Variants in TRIM36 observed in about 807,000 individuals in gnomAD.
TRIM36 encodes tripartite motif containing 36, also known as E3 ubiquitin-protein ligase TRIM36.
In TRIM36, 42 loss-of-function variants were observed where a neutral mutation model predicts 72.4. That is an observed-to-expected ratio of 0.58 (90% CI 0.45 to 0.75). The LOEUF (loss-of-function observed/expected upper bound fraction) is 0.75, where lower values mean the gene tolerates loss of function less well. TRIM36 is among the 30% of genes least tolerant of loss of function. TRIM36 has a pLI of 0.00. For missense variants in TRIM36, 913 were observed against 857.1 expected, an observed-to-expected ratio of 1.07 and a Z score of -0.81; for synonymous variants, 315 against 282.8, an observed-to-expected ratio of 1.11 and a Z score of -1.14.
At chr5:115,148,186 A>T in intron 2 of TRIM36, 3 of 252,404 alleles carry the variant, frequency 1.2e-5, no homozygotes, top group Non-Finnish European at 1.9e-5. Flanking sequence ...CATTAAGATT[A>T]CTTAACTCAG....
chr5:115,133,833 T>C, intron 8 of TRIM36, 27 bp downstream of exon 8: 1 of 1,541,342 alleles, frequency 6.5e-7, no homozygotes, highest in Non-Finnish European at 8.7e-7. Context: ...AACTCTATGC[T>C]TTTTTTATTC....
At chr5:115,162,930 G>T (rs1472148940) in intron 2 of TRIM36, among the ~76,000 whole-genome samples, 1 of 151,300 alleles carries the variant, frequency 6.6e-6, no homozygotes, top group Non-Finnish European at 1.5e-5. Context: ...ACATTGCACA[G>T]TCAGAATAAT....
rs1232807883 is a variant in TRIM36, at chr5:115,144,397, T to C, written c.735+201A>G. Among the ~76,000 whole-genome samples, 11 of 152,246 alleles carry C rather than the reference T, an allele frequency of 7.2e-5. No homozygotes were observed. The South Asian group carries it at 2.3e-3, about 32-fold the overall frequency. ...AGCTAATACAACATAGGTGTCAATA[T>C]ATGCCGGGCCTTATCAGTACCACAA... On this transcript the variant is annotated intron_variant, in intron 4 of 9. Transcript: ENST00000513154.
rs567072140 is a variant in TRIM36 at position 115,129,300 on chromosome 5, C to T, written c.1796+1292G>A. On this transcript the variant is annotated intron_variant, in intron 9 of 9. Transcript: ENST00000513154. Reference sequence around the variant, plus strand: ...ACTACAGGCCAGGTGCGGTGGCTCACGCCTGTAATCCCAGCACTTTGGGAG... The same window carrying T: ...ACTACAGGCCAGGTGCGGTGGCTCATGCCTGTAATCCCAGCACTTTGGGAG... Among the ~76,000 whole-genome samples the T allele has an allele frequency of 3.3e-5, 5 of 152,310 alleles. No individual in the cohort carries two copies. In the South Asian group the frequency reaches 6.2e-4, roughly 19 times the overall value.
In TRIM36 at chr5:115,180,121, T is replaced by A. The variant is rs184317634; in HGVS notation, c.-84A>T. On this transcript the variant is annotated 5_prime_UTR_variant, in exon 1 of 10. Transcript: ENST00000282369. ...CTTTTCTCTTTTTCTGTTTTTAGTC[T>A]GAGTTTTGCCGAGCTCCCCGCCCAT... 8.8e-3 allele frequency: 12,505 copies of A among 1,419,880 alleles called. 70 individuals carry two copies. Among genetic ancestry groups the A allele is most frequent in the Non-Finnish European group, 0.011 (11,034 of 1,016,520 alleles). 88.0% of individuals were successfully genotyped at this position (1,419,880 alleles called of 1,614,324 possible).
chr5:115,170,329 G>A (rs1009697917), upstream of TRIM36, among the ~76,000 whole-genome samples: 1 of 152,192 alleles, frequency 6.6e-6, no homozygotes, highest in Admixed American at 6.5e-5. Flanking sequence ...CTGCCATTCC[G>A]CCCTTCAGTT....
intron 3 of TRIM36, among the ~76,000 whole-genome samples, chr5:115,145,018 T>C (rs1753507075): frequency 6.6e-6 from 1 of 152,190 alleles, no homozygotes; most frequent in Admixed American, 6.5e-5. Flanking sequence ...ATATAGATGT[T>C]ATTTCTCCAA....
rs376452133 is a variant in TRIM36 at position 115,177,762 on chromosome 5, T to C, written c.63+2213A>G. 8.3e-5 allele frequency: 134 copies of C among 1,613,946 alleles called. 1 individual carries two copies. Among genetic ancestry groups the C allele is most frequent in the Non-Finnish European group, 1.1e-4 (130 of 1,180,014 alleles). On this transcript the variant is annotated intron_variant, in intron 1 of 9. Coordinates refer to the TRIM36 transcript ENST00000282369. ...GAGAGGAATTGTCCTAAGTTCTTCT[T>C]GGGAGAGACTGCTTTCCAACCTCAG...
At chr5:115,177,865 G>A in intron 1 of TRIM36, 1 of 1,614,082 alleles carries the variant, frequency 6.2e-7, no homozygotes, top group Non-Finnish European at 8.5e-7. Flanking sequence ...CAGGCCCATT[G>A]CTGAAGCCTA....
chr5:115,145,818 G>A (rs574260813), intron 3 of TRIM36, among the ~76,000 whole-genome samples: 1 of 152,192 alleles, frequency 6.6e-6, no homozygotes, highest in Admixed American at 6.5e-5. Flanking sequence ...GCATGTCCAA[G>A]TTTCTACATC....
intron 1 of TRIM36, among the ~76,000 whole-genome samples, chr5:115,176,138 A>T (rs1161289367): frequency 6.6e-6 from 1 of 152,154 alleles, no homozygotes; most frequent in Non-Finnish European, 1.5e-5. Context: ...AAAAAAATAA[A>T]AATAAAAATA....
At chr5:115,169,424 G>A (rs1330621054) in intron 1 of TRIM36, among the ~76,000 whole-genome samples, 184 bp downstream of exon 1, 4 of 152,234 alleles carry the variant, frequency 2.6e-5, no homozygotes, top group Non-Finnish European at 5.9e-5. Context: ...GATAGAAAGG[G>A]GACGCCCCGG....
rs58384978 is a variant in TRIM36 at position 115,128,758 on chromosome 5, CAAAAAAAAAAAAA to C, written c.1796+1821_1796+1833del. 5.3e-4 allele frequency among the ~76,000 whole-genome samples: 25 copies of C among 47,014 alleles called. 1 individual carries two copies. Among genetic ancestry groups the C allele is most frequent in the Middle Eastern group, 0.022 (1 of 46 alleles). 30.8% of individuals were successfully genotyped at this position (47,014 alleles called of 152,430 possible). A position where few individuals can be genotyped will look rare whatever the true frequency, so the allele number is the denominator to read the frequency against. On this transcript the variant is annotated intron_variant, in intron 9 of 9. Coordinates refer to ENST00000513154, the MANE Select transcript of TRIM36 (RefSeq NM_001300759.2). Reference sequence around the variant, plus strand: ...TGGGCGACAGAGCGAGACTCCGTCTCAAAAAAAAAAAAAAAAAAAAAAAAAAAAAATTGAAAGT... The same window carrying C: ...TGGGCGACAGAGCGAGACTCCGTCTCAAAAAAAAAAAAAAAAATTGAAAGT...
chr5:115,179,951 G>T (rs758383973), intron 1 of TRIM36: 1 of 1,612,064 alleles, frequency 6.2e-7, no homozygotes, highest in Non-Finnish European at 8.5e-7. Flanking sequence ...CCCAGGCCGC[G>T]GCGCCCCGCG....
At position 115,137,016 on chromosome 5, in the gene TRIM36, T is replaced by A; in HGVS notation, c.1194A>T (p.Leu398Phe). 6.3e-7 allele frequency: 1 copy of A among 1,599,012 alleles called. No individual in the cohort carries two copies. Among genetic ancestry groups the A allele is most frequent in the Non-Finnish European group, 8.5e-7 (1 of 1,175,164 alleles). The stretch of plus-strand genomic sequence containing the variant: ...AAGACTTACCACTAGAGAAAAAGGA[T>A]AATTCTCCAAGAAGTTCTGTTTGTT... ...TSKQTELLGE[L>F]SFFSSGIDVP... is the part of the protein sequence containing the mutation. The change falls in exon 7 of 10, where the codon TTA becomes TTT. Residue 398 changes from leucine (L) to phenylalanine (F), a missense_variant. Coordinates refer to ENST00000513154, the MANE Select transcript of TRIM36 (RefSeq NM_001300759.2).
intron 5 of TRIM36, among the ~76,000 whole-genome samples, chr5:115,138,160 T>C (rs963928528): frequency 2.0e-5 from 3 of 152,172 alleles, no homozygotes; most frequent in Non-Finnish European, 4.4e-5. Flanking sequence ...AGTGCAGTGG[T>C]GCGATCTTGG....
In TRIM36 at chr5:115,167,272, G is replaced by A. The variant is rs1035980293; in HGVS notation, c.27+2336C>T. ...TGGGGCTCTCTTCATTAATGCACCTGTTTGGCCCTGCCAAACGGAGGGACT... is the reference window on the plus strand; with the variant it reads ...TGGGGCTCTCTTCATTAATGCACCTATTTGGCCCTGCCAAACGGAGGGACT... On this transcript the variant is annotated intron_variant, in intron 1 of 9. Coordinates refer to ENST00000513154, the MANE Select transcript of TRIM36 (RefSeq NM_001300759.2). Among the ~76,000 whole-genome samples the A allele has an allele frequency of 3.3e-4, 50 of 152,274 alleles. 1 individual carries two copies. The highest frequency in any genetic ancestry group is 1.1e-3 in the African/African-American group (47 of 41,544).
intron 2 of TRIM36, 98 bp from the exon 3 acceptor site, chr5:115,147,492 A>G: frequency 7.4e-7 from 1 of 1,356,908 alleles, no homozygotes; most frequent in Non-Finnish European, 1.0e-6. Flanking sequence ...CTACAAATGT[A>G]TCACAAAAAC....
At position 115,137,513 on chromosome 5, in the gene TRIM36, G is replaced by C; in HGVS notation, c.935C>G (p.Ser312Cys). The C allele has an allele frequency of 6.2e-7, 1 of 1,614,070 alleles. No individual in the cohort carries two copies. Among genetic ancestry groups the C allele is most frequent in the Non-Finnish European group, 8.5e-7 (1 of 1,180,008 alleles). Residue 312 changes from serine (S) to cysteine (C), a missense_variant, in exon 6 of 10, where the codon TCT (serine) becomes TGT (cysteine). Ser to Cys is a moderately radical substitution (Grantham distance 112). Coordinates refer to ENST00000513154, the MANE Select transcript of TRIM36 (RefSeq NM_001300759.2). ...AAATTTGTCTAATCTTAGTTTCTTAGAGGAGTCAATTGCTTTCAAAACAGA... is the reference window on the plus strand; with the variant it reads ...AAATTTGTCTAATCTTAGTTTCTTACAGGAGTCAATTGCTTTCAAAACAGA... Reference protein sequence around the residue: ...KSSVLKAIDSSKKLRLDKFQT... With the variant: ...KSSVLKAIDSCKKLRLDKFQT...
Sources: gnomAD v4.1 joint callset for allele counts (sites outside exome capture counted in the v4.1 genomes callset) on GRCh38, gnomAD v4.1.1 for gene constraint, MANE v1.5 for transcripts, NCBI Gene and HGNC (gene_info 2026-07-23, HGNC 2026-07-21) for gene names.